The following GIMD1 variants were observed in gnomAD, a reference collection of about 807,000 sequenced individuals.
GIMD1 encodes the protein GIMAP family P-loop NTPase domain containing 1.
Under a neutral mutation model 14.9 loss-of-function variants are expected in GIMD1, and 14 were observed. The ratio of observed to expected loss-of-function variants is 0.94; its 90% CI spans 0.62 to 1.47. The LOEUF is 1.47. Ranked by LOEUF, GIMD1 falls within the 40% of genes most tolerant of loss-of-function variation. The pLI, the probability that GIMD1 is intolerant of heterozygous loss-of-function variation, is 0.00. For synonymous variants in GIMD1, 91 were observed against 90.5 expected, an observed-to-expected ratio of 1.01 and a Z score of -0.03; for missense variants, 272 against 255.3, an observed-to-expected ratio of 1.07 and a Z score of -0.44.
chr4:106,365,913 G>GCA (rs1491578431), intron 2 of GIMD1, among the ~76,000 whole-genome samples: 1 of 150,818 alleles, frequency 6.6e-6, no homozygotes, highest in East Asian at 2.0e-4. Context: ...CACATCATAT[G>GCA]CACACACACA....
At chr4:106,359,639 A>G (rs1579655761) in intron 2 of GIMD1, among the ~76,000 whole-genome samples, 1 of 151,792 alleles carries the variant, frequency 6.6e-6, no homozygotes, top group East Asian at 1.9e-4. Context: ...AGTCTGGGAA[A>G]TCATTTTCAA....
rs1403438428 is a variant in GIMD1 at position 106,357,733 on chromosome 4, A to G, written c.*450T>C. 1 of 153,776 alleles carries G rather than the reference A, an allele frequency of 6.5e-6. No homozygotes were observed. Among genetic ancestry groups the G allele is most frequent in the Non-Finnish European group, 1.4e-5 (1 of 69,114 alleles). 9.5% of individuals were successfully genotyped at this position (153,776 alleles called of 1,614,324 possible). A position where few individuals can be genotyped will look rare whatever the true frequency, so the allele number is the denominator to read the frequency against. On this transcript the variant is annotated 3_prime_UTR_variant, in exon 3 of 3. Transcript: ENST00000638719. Reference sequence around the variant, plus strand: ...TCTTTTATGTCTGGCTTATTTTTCAACATTATGTTTGGGCAATTCACTGGT... The same window carrying G: ...TCTTTTATGTCTGGCTTATTTTTCAGCATTATGTTTGGGCAATTCACTGGT...
chr4:106,366,559 C>T (rs777115422), intron 2 of GIMD1, among the ~76,000 whole-genome samples: 3 of 152,114 alleles, frequency 2.0e-5, no homozygotes, highest in Non-Finnish European at 4.4e-5. Context: ...AACGGTTCTA[C>T]GACCTGACTG....
intron 2 of GIMD1, 31 bp from the exon 3 acceptor site, chr4:106,358,474 C>A: frequency 6.8e-7 from 1 of 1,471,534 alleles, no homozygotes; most frequent in South Asian, 1.4e-5. Flanking sequence ...AACTATTGAA[C>A]TTGAACTATA....
chr4:106,367,125 C>T lies in GIMD1; in HGVS notation c.311G>A (p.Gly104Asp), dbSNP rs1365603338. ...CTGAACCAGGAGTGCAAGGTGGAGA[C>T]CCCCTTGCCCGAAGTGATGTGCCAG... ...EALAHHFGQG[G>D]LHLALLVQRA... The change falls in exon 2 of 3, where the codon GGT (glycine) becomes GAT (aspartate). Residue 104 changes from glycine to aspartate, a missense_variant. Physicochemically the swap from Gly to Asp is moderately conservative, Grantham distance 94. Transcript: ENST00000638719. The T allele has an allele frequency of 1.3e-6, 2 of 1,535,220 alleles. No homozygotes were observed. The highest frequency in any genetic ancestry group is 1.2e-5 in the South Asian group (1 of 84,024).
Position 106,357,868 on chromosome 4 carries a change from A to G in GIMD1, c.*315T>C. The G allele has an allele frequency of 5.5e-6, 1 of 180,434 alleles. No homozygotes were observed. Among genetic ancestry groups the G allele is most frequent in the Non-Finnish European group, 1.2e-5 (1 of 85,944 alleles). 11.2% of individuals were successfully genotyped at this position (180,434 alleles called of 1,614,324 possible). On this transcript the variant is annotated 3_prime_UTR_variant, in exon 3 of 3. Transcript: ENST00000638719. ...TTCTAATATTAATAGACATTTGAAT[A>G]GTCTGTATGTTTAGCTTTTGAATAG...
At chr4:106,367,497 T>C in intron 1 of GIMD1, 60 bp from the exon 2 acceptor site, 1 of 1,421,210 alleles carries the variant, frequency 7.0e-7, no homozygotes, top group Non-Finnish European at 9.3e-7. Context: ...CCAATGTAAG[T>C]TTTCTTACCT....
At chr4:106,359,204 A>G (rs1056869583) in intron 2 of GIMD1, among the ~76,000 whole-genome samples, 14 of 151,984 alleles carry the variant, frequency 9.2e-5, no homozygotes, top group African/African-American at 3.4e-4. Context: ...TTCATGTAAT[A>G]TAAAAGGCAT....
chr4:106,366,850 C>T lies in GIMD1; in HGVS notation c.393+193G>A, dbSNP rs114523057. Reference sequence around the variant, plus strand: ...CCTCTGAAGGAGGTCATAAAAATGACTTGGGAAAATCAAATAATTTTTACT... The same window carrying T: ...CCTCTGAAGGAGGTCATAAAAATGATTTGGGAAAATCAAATAATTTTTACT... On this transcript the variant is annotated intron_variant, in intron 2 of 2. Coordinates refer to ENST00000638719, the MANE Select transcript of GIMD1 (RefSeq NM_001195138.2). 8.3e-3 allele frequency among the ~76,000 whole-genome samples: 1,253 copies of T among 151,208 alleles called. 16 individuals carry two copies. The highest frequency in any genetic ancestry group is 0.029 in the African/African-American group (1,198 of 41,258).
intron 2 of GIMD1, among the ~76,000 whole-genome samples, chr4:106,362,281 T>C (rs1033626906): frequency 2.6e-5 from 4 of 152,128 alleles, no homozygotes; most frequent in Non-Finnish European, 4.4e-5. Context: ...AATAGTTGAA[T>C]ATTTGAAAGT....
rs902898774 is a variant in GIMD1 at position 106,368,728 on chromosome 4, T to A, written c.-21A>T. ...CGCTTACCTTTTCCAGTCTTGAAAA[T>A]GCTTTCTCCACAAAGACGTCTCTCG... On this transcript the variant is annotated 5_prime_UTR_variant, in exon 1 of 3. Transcript: ENST00000638719. The A allele has an allele frequency of 3.3e-5, 13 of 398,400 alleles. No individual in the cohort carries two copies. The highest frequency in any genetic ancestry group is 2.5e-4 in the African/African-American group (12 of 48,636). The allele number at this position is 398,400 out of a possible 1,614,324, so 24.7% of individuals were successfully genotyped here.
intron 1 of GIMD1, among the ~76,000 whole-genome samples, chr4:106,367,904 A>G (rs1770729116): frequency 6.6e-6 from 1 of 152,162 alleles, no homozygotes; most frequent in Non-Finnish European, 1.5e-5. Context: ...CTTTCTAACA[A>G]CATCCCCCAT....
At chr4:106,358,986 A>G (rs543942079) in intron 2 of GIMD1, among the ~76,000 whole-genome samples, 1 of 152,110 alleles carries the variant, frequency 6.6e-6, no homozygotes, top group African/African-American at 2.4e-5. Flanking sequence ...ACCACAAAAT[A>G]TTATAACTGT....
intron 2 of GIMD1, among the ~76,000 whole-genome samples, chr4:106,364,844 G>C (rs1770671077): frequency 6.6e-6 from 1 of 152,118 alleles, no homozygotes; most frequent in Non-Finnish European, 1.5e-5. Context: ...AGACATGTAT[G>C]AATTGAGTTC....
intron 2 of GIMD1, 86 bp downstream of exon 2, chr4:106,366,957 A>ATAATAT (rs1230299763): frequency 1.5e-4 from 46 of 308,144 alleles, no homozygotes; most frequent in Admixed American, 2.1e-4. Flanking sequence ...AATAATAATA[A>ATAATAT]TATTATTATT....
chr4:106,359,307 T>C (rs145528118), intron 2 of GIMD1, among the ~76,000 whole-genome samples: 4 of 151,954 alleles, frequency 2.6e-5, no homozygotes, highest in Admixed American at 1.3e-4. Context: ...TTCCGAACAC[T>C]CCTATTACCA....
intron 2 of GIMD1, among the ~76,000 whole-genome samples, chr4:106,362,907 G>A (rs1293330411): frequency 2.0e-5 from 3 of 151,890 alleles, no homozygotes; most frequent in South Asian, 2.1e-4. Context: ...GAGGACTTAC[G>A]GTGTTAAATG....
At chr4:106,365,810 G>A (rs1770688851) in intron 2 of GIMD1, among the ~76,000 whole-genome samples, 1 of 150,196 alleles carries the variant, frequency 6.7e-6, no homozygotes, top group South Asian at 2.1e-4. Flanking sequence ...ATAGTTTCCA[G>A]GAATTGTTAG....
intron 2 of GIMD1, among the ~76,000 whole-genome samples, chr4:106,360,146 CT>C (rs547475250): frequency 4.6e-5 from 7 of 151,546 alleles, no homozygotes; most frequent in Non-Finnish European, 8.9e-5. Flanking sequence ...TGTAAAGCTT[CT>C]TTTTTTTGCA....
Sources: allele counts gnomAD v4.1 joint callset (sites outside exome capture counted in the v4.1 genomes callset), GRCh38; gene constraint gnomAD v4.1.1; transcripts MANE v1.5; gene names NCBI Gene and HGNC (gene_info 2026-07-23, HGNC 2026-07-21).